Variants in AP1G1 observed in about 807,000 individuals in gnomAD.
AP1G1 encodes AP-1 complex subunit gamma-1.
In AP1G1, 7 loss-of-function variants were observed where a neutral mutation model predicts 108.3. The ratio of observed to expected loss-of-function variants is 0.06; its 90% CI spans 0.04 to 0.12. The LOEUF is 0.12. Among genes scored for constraint, AP1G1 ranks in the 10% least tolerant of loss-of-function variants. The probability of loss-of-function intolerance (pLI) is 1.00; values close to 1 mark genes in which losing one functional copy is unlikely to be tolerated. For synonymous variants in AP1G1, 379 were observed against 353.5 expected, an observed-to-expected ratio of 1.07 and a Z score of -0.81; for missense variants, 756 against 1,010.7, an observed-to-expected ratio of 0.75 and a Z score of 3.42.
chr16:71,768,933 A>AG (rs2031442836), intron 6 of AP1G1, among the ~76,000 whole-genome samples: 1 of 143,828 alleles, frequency 7.0e-6, no homozygotes, highest in African/African-American at 2.6e-5. Flanking sequence ...AAAAAAAAAA[A>AG]AAAAAAAGAA....
chr16:71,733,758 C>G (rs4788551), intron 22 of AP1G1, among the ~76,000 whole-genome samples: 1 of 151,894 alleles, frequency 6.6e-6, no homozygotes, highest in Non-Finnish European at 1.5e-5. Context: ...ACTCATCGTA[C>G]GCTCTCCATT....
At chr16:71,772,138 C>CTT (rs11453410) in intron 4 of AP1G1, among the ~76,000 whole-genome samples, 123 of 148,928 alleles carry the variant, frequency 8.3e-4, no homozygotes, top group Middle Eastern at 3.4e-3. Flanking sequence ...CTTTTCTTTT[C>CTT]TTTTTTTTTT....
At chr16:71,802,943 G>C (rs1233872433) in intron 1 of AP1G1, among the ~76,000 whole-genome samples, 2 of 152,014 alleles carry the variant, frequency 1.3e-5, no homozygotes, top group Non-Finnish European at 2.9e-5. Flanking sequence ...AGCCAGGCTC[G>C]GTGGCTCACA....
chr16:71,780,692 A>G (rs949469951), intron 2 of AP1G1, among the ~76,000 whole-genome samples: 1 of 152,088 alleles, frequency 6.6e-6, no homozygotes, highest in Non-Finnish European at 1.5e-5. Flanking sequence ...GTACAATGGC[A>G]TGATCACAGT....
At chr16:71,768,848 G>A (rs1329732105) in intron 6 of AP1G1, among the ~76,000 whole-genome samples, 2 of 145,820 alleles carry the variant, frequency 1.4e-5, no homozygotes, top group African/African-American at 2.5e-5. Flanking sequence ...AACCCGGGAG[G>A]CGGAACTTGC....
Position 71,789,290 on chromosome 16 carries a change from G to A in AP1G1, c.190C>T (p.His64Tyr). 1 of 1,613,686 alleles carries A rather than the reference G, an allele frequency of 6.2e-7. No homozygotes were observed. Among genetic ancestry groups the A allele is most frequent in the Non-Finnish European group, 8.5e-7 (1 of 1,179,816 alleles). ...TCAGCCCAGCCTACCTGTCCAAAGT[G>A]AGCAGGGTAGCCCAGCATGTGCATA... is the stretch of plus-strand genomic sequence containing the variant. ...LYMHMLGYPA[H>Y]FGQLECLKLI... Residue 64 changes from histidine to tyrosine, a missense_variant, in exon 2 of 23, where the codon CAC becomes TAC. By Grantham distance (83) the His-to-Tyr change is moderately conservative. Coordinates refer to ENST00000299980, the MANE Select transcript of AP1G1 (RefSeq NM_001128.6).
At chr16:71,776,336 C>T (rs974631504) in intron 2 of AP1G1, among the ~76,000 whole-genome samples, 2 of 152,074 alleles carry the variant, frequency 1.3e-5, no homozygotes, top group Non-Finnish European at 2.9e-5. Flanking sequence ...TAACCAGGAT[C>T]AAAAAGGAAA....
chr16:71,747,482 A>T (rs1301079106), intron 16 of AP1G1: 1 of 152,120 alleles, frequency 6.6e-6, no homozygotes, highest in African/African-American at 2.4e-5. Context: ...CAGGAGGCTG[A>T]GGCAGGAGAA....
At chr16:71,764,801 A>G (rs1466657072) in intron 7 of AP1G1, 75 bp from the exon 8 acceptor site, 14 of 906,848 alleles carry the variant, frequency 1.5e-5, no homozygotes, top group Non-Finnish European at 2.4e-5. Context: ...TGAAATTCAA[A>G]TAACTAAATG....
At chr16:71,794,556 T>C (rs2032511388) in intron 1 of AP1G1, among the ~76,000 whole-genome samples, 1 of 152,094 alleles carries the variant, frequency 6.6e-6, no homozygotes, top group African/African-American at 2.4e-5. Context: ...AAACATAAAA[T>C]TCATTTTAGA....
At chr16:71,767,787 A>G (rs1308130357) in intron 6 of AP1G1, 1 of 1,299,304 alleles carries the variant, frequency 7.7e-7, no homozygotes, top group Non-Finnish European at 1.1e-6. Context: ...GCATTAGTAT[A>G]TTTTAAAAGC....
chr16:71,754,239 G>C (rs986591603), intron 12 of AP1G1, among the ~76,000 whole-genome samples: 3 of 147,160 alleles, frequency 2.0e-5, no homozygotes. Context: ...AGAAAGGGAA[G>C]AAAGAGAAGA....
chr16:71,764,584 T>C lies in AP1G1; in HGVS notation c.819+62A>G, dbSNP rs2031237609. ...AAATAAAAACTGCTCCATATAACCA[T>C]AATCATTCTACTCCCAGCGAAACTA... is the stretch of plus-strand genomic sequence containing the variant. On this transcript the variant is annotated intron_variant, in intron 8 of 22. Transcript: ENST00000299980. The C allele has an allele frequency of 8.7e-6, 12 of 1,376,158 alleles. No individual in the cohort carries two copies. The East Asian group carries it at 2.9e-4, about 34-fold the overall frequency. The allele number at this position is 1,376,158 out of a possible 1,614,324, so 85.2% of individuals were successfully genotyped here.
At position 71,748,317 on chromosome 16, in the gene AP1G1, G is replaced by C. The variant is rs2030291727; in HGVS notation, c.1559C>G (p.Ser520Cys). ...AGTGAGGGCATAACCTCGTGTCACA[G>C]AGGTGGACATATTAGAGATTAGGAC... ...ESVLISNMST[S>C]VTRGYALTAI... The change falls in exon 16 of 23, where the codon TCT (serine) becomes TGT (cysteine). Residue 520 changes from serine (S) to cysteine (C), a missense_variant. Coordinates refer to ENST00000299980, the MANE Select transcript of AP1G1 (RefSeq NM_001128.6). 1 of 1,613,800 alleles carries C rather than the reference G, an allele frequency of 6.2e-7. No homozygotes were observed. Among genetic ancestry groups the C allele is most frequent in the Non-Finnish European group, 8.5e-7 (1 of 1,179,706 alleles).
At chr16:71,760,545 CAAAAA>C (rs1160425772) in intron 10 of AP1G1, among the ~76,000 whole-genome samples, 3 of 95,170 alleles carry the variant, frequency 3.2e-5, no homozygotes, top group Admixed American at 1.2e-4. Flanking sequence ...AACTCCATCT[CAAAAA>C]AAAAAAAAAA....
intron 21 of AP1G1, among the ~76,000 whole-genome samples, chr16:71,734,964 A>G (rs2045515252): frequency 6.6e-6 from 1 of 152,240 alleles, no homozygotes; most frequent in Non-Finnish European, 1.5e-5. Context: ...TTCTGGCAGA[A>G]GGAATTCTAG....
chr16:71,762,832 G>C (rs144268350), intron 9 of AP1G1, among the ~76,000 whole-genome samples: 1 of 150,044 alleles, frequency 6.7e-6, no homozygotes, highest in Non-Finnish European at 1.5e-5. Context: ...GGAGGGGGTT[G>C]TGGGAACCCT....
intron 5 of AP1G1, among the ~76,000 whole-genome samples, 173 bp from the exon 6 acceptor site, chr16:71,769,872 C>T (rs901533768): frequency 6.6e-6 from 1 of 152,180 alleles, no homozygotes; most frequent in Non-Finnish European, 1.5e-5. Context: ...TTAATAGATG[C>T]CTGATTTAAA....
chr16:71,746,044 T>C (rs2030159039), intron 17 of AP1G1, among the ~76,000 whole-genome samples: 1 of 152,034 alleles, frequency 6.6e-6, no homozygotes, highest in Non-Finnish European at 1.5e-5. Flanking sequence ...AGAGTCTTGC[T>C]CTGTCGCCAG....
Sources: allele counts gnomAD v4.1 joint callset (sites outside exome capture counted in the v4.1 genomes callset), GRCh38; gene constraint gnomAD v4.1.1; transcripts MANE v1.5; gene names NCBI Gene and HGNC (gene_info 2026-07-23, HGNC 2026-07-21).